Variants in FHL1 observed in about 807,000 individuals in gnomAD.
FHL1 encodes four and a half LIM domains protein 1.
FHL1 carries 1 observed loss-of-function variant against 20.3 expected under a neutral mutation model. The ratio of observed to expected loss-of-function variants is 0.05; its 90% CI spans 0.02 to 0.23. The LOEUF is 0.23. FHL1 is among the 10% of genes least tolerant of loss of function. The pLI, the probability that FHL1 is intolerant of heterozygous loss-of-function variation, is 1.00. For missense variants in FHL1, 177 were observed against 234.0 expected (o/e 0.76, Z 1.59); for synonymous variants, 82 against 88.9 (o/e 0.92, Z 0.44).
intron 2 of FHL1, among the ~76,000 whole-genome samples, chrX:136,177,113 T>G (rs2073027907): frequency 9.0e-6 from 1 of 111,598 alleles, no homozygotes; most frequent in African/African-American, 3.2e-5. Context: ...GTGAATGAAC[T>G]GTCTGTAAAG....
chrX:136,206,731 C>A, intron 2 of FHL1, 143 bp downstream of exon 2: 1 of 824,969 alleles, frequency 1.2e-6, no homozygotes. Context: ...CTCCTCCACT[C>A]CCCAGGCCAC....
chrX:136,165,513 A>G (rs986753126), upstream of FHL1, among the ~76,000 whole-genome samples: 2 of 112,184 alleles, frequency 1.8e-5, no homozygotes, highest in Non-Finnish European at 3.8e-5. Flanking sequence ...AAGTGTACCT[A>G]ATTAAGAAGA....
chrX:136,162,122 C>CAAAAA (rs745946778), intron 1 of FHL1, among the ~76,000 whole-genome samples: 57 of 48,655 alleles, frequency 1.2e-3, no homozygotes, highest in Non-Finnish European at 1.5e-3. Flanking sequence ...GACCCTGTCT[C>CAAAAA]AAAAAAAAAA....
chrX:136,191,730 A>T (rs755745949), intron 2 of FHL1, among the ~76,000 whole-genome samples: 139 of 112,544 alleles, frequency 1.2e-3, no homozygotes, highest in African/African-American at 4.3e-3. Flanking sequence ...TTATTATAAC[A>T]TCCCTGATCA....
rs1389504390 is a variant in FHL1, at chrX:136,210,648, G to T, written c.*623G>T. 2.6e-6 allele frequency: 1 copy of T among 389,854 alleles called. No homozygotes were observed. The highest frequency in any genetic ancestry group is 7.3e-4 in the Middle Eastern group (1 of 1,361). The allele number at this position is 389,854 out of a possible 1,213,427, so 32.1% of individuals were successfully genotyped here. A position where few individuals can be genotyped will look rare whatever the true frequency, so the allele number is the denominator to read the frequency against. On this transcript the variant is annotated 3_prime_UTR_variant, in exon 6 of 6. Coordinates refer to ENST00000370683, the MANE Select transcript of FHL1 (RefSeq NM_001159699.2). ...CCGTACTAACGTTTGGTTTCCCCGTGTGGCATGTTTTCTGAGCGTTCCTAC... is the reference window on the plus strand; with the variant it reads ...CCGTACTAACGTTTGGTTTCCCCGTTTGGCATGTTTTCTGAGCGTTCCTAC...
Position 136,207,168 on chromosome X carries a change from G to T in FHL1, c.357G>T (p.Gly119=). ...TTREDSPKCK[G]CFKAIVAGDQ... ...GGGAGGACTCCCCCAAGTGCAAGGG[G>T]TGCTTCAAGGCCATTGTGGCAGGTA... Residue 119 remains glycine (G), a synonymous_variant, in exon 3 of 6, where the codon GGG becomes GGT. Coordinates refer to ENST00000370683, the MANE Select transcript of FHL1 (RefSeq NM_001159699.2). 1 of 1,207,076 alleles carries T rather than the reference G, an allele frequency of 8.3e-7. No individual in the cohort carries two copies. The highest frequency in any genetic ancestry group is 1.1e-6 in the Non-Finnish European group (1 of 891,908).
intron 1 of FHL1, among the ~76,000 whole-genome samples, chrX:136,152,921 T>G (rs866172564): frequency 0.01 from 1,152 of 111,061 alleles, 20 homozygotes; most frequent in African/African-American, 0.036. Flanking sequence ...CTATCTCACC[T>G]GAATTTTCCA....
intron 1 of FHL1, among the ~76,000 whole-genome samples, chrX:136,151,029 T>C (rs1471121496): frequency 8.9e-6 from 1 of 112,350 alleles, no homozygotes; most frequent in African/African-American, 3.2e-5. Flanking sequence ...GAAGAGTGGA[T>C]AGTCCTAAAT....
In FHL1 at chrX:136,210,228, G is replaced by A; in HGVS notation, c.*203G>A. 1.8e-6 allele frequency: 1 copy of A among 565,977 alleles called. No homozygotes were observed. Among genetic ancestry groups the A allele is most frequent in the Non-Finnish European group, 3.0e-6 (1 of 336,033 alleles). 46.6% of individuals were successfully genotyped at this position (565,977 alleles called of 1,213,427 possible). A position where few individuals can be genotyped will look rare whatever the true frequency, so the allele number is the denominator to read the frequency against. On this transcript the variant is annotated 3_prime_UTR_variant, in exon 6 of 6. Transcript: ENST00000370683. ...GCATTTAGCAAAAAGCAACCCTGCAGCAAAGTGAATTTCTGTCCGGCTGCA... is the reference window on the plus strand; with the variant it reads ...GCATTTAGCAAAAAGCAACCCTGCAACAAAGTGAATTTCTGTCCGGCTGCA...
chrX:136,197,154 A>G lies in FHL1; in HGVS notation c.22+20A>G, dbSNP rs1389729170. ...ACTCAGGTAAAACTTCATGCTCTTT[A>G]TCTTATATTGAGCACAGTTTTGTTA... is the stretch of plus-strand genomic sequence containing the variant. On this transcript the variant is annotated intron_variant, in intron 1 of 5. Transcript: ENST00000370683. 1 of 1,198,549 alleles carries G rather than the reference A, an allele frequency of 8.3e-7. No individual in the cohort carries two copies. Among genetic ancestry groups the G allele is most frequent in the Admixed American group, 2.2e-5 (1 of 45,780 alleles).
At chrX:136,207,508 C>A in intron 3 of FHL1, 1 of 427,285 alleles carries the variant, frequency 2.3e-6, no homozygotes, top group Non-Finnish European at 4.1e-6. Flanking sequence ...CTGGGCCAGG[C>A]AGTCCCTGAT....
intron 2 of FHL1, among the ~76,000 whole-genome samples, chrX:136,187,113 T>C (rs763673589): frequency 1.9e-5 from 2 of 105,237 alleles, no homozygotes; most frequent in Non-Finnish European, 3.9e-5. Flanking sequence ...GGAGTATGTA[T>C]AGTATACCAC....
At chrX:136,163,848 C>A (rs1404572171) in intron 1 of FHL1, among the ~76,000 whole-genome samples, 1 of 111,921 alleles carries the variant, frequency 8.9e-6, no homozygotes, top group Non-Finnish European at 1.9e-5. Context: ...TCATGGTCAT[C>A]ATGTCAGAGG....
intron 2 of FHL1, among the ~76,000 whole-genome samples, chrX:136,171,277 T>G (rs1429083141): frequency 2.7e-5 from 3 of 111,304 alleles, no homozygotes; most frequent in African/African-American, 9.8e-5. Flanking sequence ...GAAACCTATC[T>G]TCAAAAAATA....
chrX:136,185,227 C>G (rs1206364413), intron 2 of FHL1, among the ~76,000 whole-genome samples: 1 of 112,239 alleles, frequency 8.9e-6, no homozygotes, highest in African/African-American at 3.2e-5. Flanking sequence ...AATCTCTTCT[C>G]TGTACATTTC....
intron 1 of FHL1, among the ~76,000 whole-genome samples, chrX:136,156,796 A>G (rs887776934): frequency 4.5e-5 from 5 of 111,465 alleles, no homozygotes; most frequent in African/African-American, 1.6e-4. Flanking sequence ...TCAGATTTGA[A>G]ATGTATGATT....
At position 136,207,964 on chromosome X, in the gene FHL1, A is replaced by G; in HGVS notation, c.549+3A>G. The stretch of plus-strand genomic sequence containing the variant: ...AGCATTGCGTGAAGTGCAACAAGGT[A>G]TGCTTTCAAGGGAGTTCTGCATTGA... On this transcript the variant is annotated splice_donor_region_variant and intron_variant, in intron 4 of 5. Coordinates refer to ENST00000370683, the MANE Select transcript of FHL1 (RefSeq NM_001159699.2). 8.2e-7 allele frequency: 1 copy of G among 1,212,316 alleles called. No individual in the cohort carries two copies. Among genetic ancestry groups the G allele is most frequent in the Admixed American group, 2.2e-5 (1 of 46,168 alleles).
chrX:136,157,772 A>G (rs2072460953), intron 1 of FHL1, among the ~76,000 whole-genome samples: 1 of 112,084 alleles, frequency 8.9e-6, no homozygotes, highest in African/African-American at 3.2e-5. Context: ...TATGTTTAAA[A>G]TAATACTACA....
chrX:136,149,711 T>G (rs1363639847), intron 1 of FHL1, among the ~76,000 whole-genome samples: 2 of 111,827 alleles, frequency 1.8e-5, no homozygotes, highest in Non-Finnish European at 1.9e-5. Context: ...ATAAAATTCC[T>G]CCTGTATAAT....
Sources: gnomAD v4.1 joint callset for allele counts (sites outside exome capture counted in the v4.1 genomes callset) on GRCh38, gnomAD v4.1.1 for gene constraint, MANE v1.5 for transcripts, NCBI Gene and HGNC (gene_info 2026-07-23, HGNC 2026-07-21) for gene names.